Variants in C2orf92 observed in about 807,000 individuals in gnomAD.
The protein encoded by C2orf92 is uncharacterized protein C2orf92.
intron 3 of C2orf92, among the ~76,000 whole-genome samples, chr2:97,687,804 C>T (rs1465698820): frequency 6.0e-5 from 9 of 150,238 alleles, no homozygotes; most frequent in African/African-American, 2.0e-4. Context: ...ACAGAGGCCT[C>T]GGGCAGTCTG....
rs188789858 is a variant in C2orf92, at chr2:97,686,228, C to T, written c.233-2667C>T. Reference sequence around the variant, plus strand: ...TCCTTTTACATGGTATGCACTCTTACGATAACTAACCCATTCCTGTGATAA... The same window carrying T: ...TCCTTTTACATGGTATGCACTCTTATGATAACTAACCCATTCCTGTGATAA... On this transcript the variant is annotated intron_variant, in intron 3 of 7. Coordinates refer to ENST00000627399, the MANE Select transcript of C2orf92 (RefSeq NM_001351368.2). Among the ~76,000 whole-genome samples, 425 of 152,278 alleles carry T rather than the reference C, an allele frequency of 2.8e-3. 2 individuals are homozygous for T. Among genetic ancestry groups the T allele is most frequent in the African/African-American group, 1.0e-2 (414 of 41,570 alleles).
chr2:97,689,153 A>G (rs1199946310), intron 4 of C2orf92, among the ~76,000 whole-genome samples, 160 bp downstream of exon 4: 1 of 152,228 alleles, frequency 6.6e-6, no homozygotes, highest in African/African-American at 2.4e-5. Flanking sequence ...AATCCTCTCT[A>G]TAACCTTCCA....
intron 1 of C2orf92, among the ~76,000 whole-genome samples, chr2:97,672,948 G>A (rs1174097702): frequency 2.6e-5 from 4 of 152,110 alleles, no homozygotes; most frequent in East Asian, 3.9e-4. Flanking sequence ...AGGAAAGCCT[G>A]GAAGGGAAAG....
At chr2:97,686,757 T>C (rs1675977872) in intron 3 of C2orf92, among the ~76,000 whole-genome samples, 1 of 150,954 alleles carries the variant, frequency 6.6e-6, no homozygotes, top group African/African-American at 2.4e-5. Context: ...GCCGAGCGCC[T>C]CAGTCCCAGC....
At position 97,701,280 on chromosome 2, in the gene C2orf92, C is replaced by T. The variant is rs1573232869; in HGVS notation, c.641C>T (p.Ser214Leu). 1 of 399,092 alleles carries T rather than the reference C, an allele frequency of 2.5e-6. No homozygotes were observed. Among genetic ancestry groups the T allele is most frequent in the Non-Finnish European group, 4.4e-6 (1 of 226,076 alleles). The allele number at this position is 399,092 out of a possible 1,614,324, so 24.7% of individuals were successfully genotyped here. A position where few individuals can be genotyped will look rare whatever the true frequency, so the allele number is the denominator to read the frequency against. Residue 214 changes from serine (S) to leucine (L), a missense_variant, in exon 7 of 8, where the codon TCA (serine) becomes TTA (leucine). Coordinates refer to ENST00000627399, the MANE Select transcript of C2orf92 (RefSeq NM_001351368.2). ...AIVLLLLGLA[S>L]YIRKKQPSSP... is the part of the protein sequence containing the mutation. ...GTGCTGTTGCTGCTTGGGTTGGCCT[C>T]ATACATCAGGAAGAAACAGCCATCG...
intron 2 of C2orf92, 73 bp downstream of exon 2, chr2:97,674,630 C>G: frequency 2.5e-6 from 1 of 397,752 alleles, no homozygotes; most frequent in Non-Finnish European, 4.4e-6. Context: ...ATATGCGATG[C>G]TAGCATTTTA....
chr2:97,674,363 G>A (rs1675507715), intron 1 of C2orf92, 93 bp from the exon 2 acceptor site: 2 of 397,116 alleles, frequency 5.0e-6, no homozygotes, highest in Non-Finnish European at 8.9e-6. Context: ...TATCCATTGA[G>A]TTTGTGTCAT....
chr2:97,700,967 G>A (rs1054522118), intron 6 of C2orf92, among the ~76,000 whole-genome samples, 187 bp from the exon 7 acceptor site: 66 of 152,080 alleles, frequency 4.3e-4, no homozygotes, highest in African/African-American at 9.7e-5. Context: ...TCCTGACCTC[G>A]TGATCCGCCC....
intron 5 of C2orf92, among the ~76,000 whole-genome samples, chr2:97,694,781 TG>T (rs1368684198): frequency 6.6e-6 from 1 of 152,164 alleles, no homozygotes; most frequent in Non-Finnish European, 1.5e-5. Flanking sequence ...GATATGATTT[TG>T]GTTTTAATTT....
intron 3 of C2orf92, among the ~76,000 whole-genome samples, chr2:97,684,763 AC>A (rs1207888210): frequency 6.6e-6 from 1 of 151,602 alleles, no homozygotes; most frequent in Non-Finnish European, 1.5e-5. Flanking sequence ...TAACAACAAA[AC>A]AAACAAACAA....
upstream of C2orf92, chr2:97,666,823 A>G (rs1313178319): frequency 6.9e-6 from 1 of 143,894 alleles, no homozygotes; most frequent in Non-Finnish European, 1.5e-5. Context: ...AGCCTGGGTG[A>G]CAGAGCCAGA....
intron 5 of C2orf92, among the ~76,000 whole-genome samples, chr2:97,692,801 G>A (rs1676181121): frequency 6.6e-6 from 1 of 152,182 alleles, no homozygotes; most frequent in Admixed American, 6.5e-5. Context: ...ATCTTGAATG[G>A]TTGCTGGAGA....
chr2:97,680,414 A>G (rs1328489366), intron 3 of C2orf92, among the ~76,000 whole-genome samples: 3 of 152,252 alleles, frequency 2.0e-5, no homozygotes, highest in Non-Finnish European at 4.4e-5. Context: ...ATTGGATTTA[A>G]AAACCTGTCC....
rs529547626 is a variant in C2orf92 at position 97,702,865 on chromosome 2, G to A, written c.*64G>A. 3 of 398,460 alleles carry A rather than the reference G, an allele frequency of 7.5e-6. No individual in the cohort carries two copies. Among genetic ancestry groups the A allele is most frequent in the Admixed American group, 4.4e-5 (1 of 22,728 alleles). 24.7% of individuals were successfully genotyped at this position (398,460 alleles called of 1,614,324 possible). A position where few individuals can be genotyped will look rare whatever the true frequency, so the allele number is the denominator to read the frequency against. On this transcript the variant is annotated 3_prime_UTR_variant, in exon 8 of 8. Coordinates refer to ENST00000627399, the MANE Select transcript of C2orf92 (RefSeq NM_001351368.2). ...CAATGCGAGGACATTCTCCATCTGCGCACCACAGGGAGGCAATTCCATTTC... is the reference window on the plus strand; with the variant it reads ...CAATGCGAGGACATTCTCCATCTGCACACCACAGGGAGGCAATTCCATTTC...
intron 5 of C2orf92, among the ~76,000 whole-genome samples, chr2:97,692,569 C>T (rs897267321): frequency 1.4e-4 from 21 of 152,038 alleles, no homozygotes; most frequent in African/African-American, 4.8e-4. Flanking sequence ...GCCACCATGC[C>T]CAGTTAATTT....
intron 5 of C2orf92, among the ~76,000 whole-genome samples, chr2:97,692,227 A>C (rs2104587448): frequency 6.6e-6 from 1 of 151,986 alleles, no homozygotes; most frequent in East Asian, 1.9e-4. Context: ...TATCTTCTTA[A>C]GTTTATTCCT....
chr2:97,669,564 G>C (rs913029420), upstream of C2orf92: 3 of 379,158 alleles, frequency 7.9e-6, no homozygotes, highest in Non-Finnish European at 1.4e-5. Context: ...GGAGCCGAGG[G>C]AAGTGAGCAG....
chr2:97,681,165 T>TAGA (rs58023050), intron 3 of C2orf92, among the ~76,000 whole-genome samples: 143,500 of 145,326 alleles, frequency 0.99, 70,851 homozygotes, highest in Middle Eastern at 1. Context: ...AGTAAAGGAA[T>TAGA]AGACTTGAAC....
At chr2:97,699,346 A>G (rs1171883609) in intron 6 of C2orf92, among the ~76,000 whole-genome samples, 4 of 152,240 alleles carry the variant, frequency 2.6e-5, no homozygotes, top group Non-Finnish European at 5.9e-5. Context: ...CTGTAATCCC[A>G]GCACTTTAGG....
Sources: gnomAD v4.1 joint callset for allele counts (sites outside exome capture counted in the v4.1 genomes callset) on GRCh38, gnomAD v4.1.1 for gene constraint, MANE v1.5 for transcripts, NCBI Gene and HGNC (gene_info 2026-07-23, HGNC 2026-07-21) for gene names.